The following FOXP1 variants were observed in gnomAD, a reference collection of about 807,000 sequenced individuals.
The protein encoded by FOXP1 is forkhead box P1.
Under a neutral mutation model 98.2 loss-of-function variants are expected in FOXP1, and 15 were observed. The ratio of observed to expected loss-of-function variants is 0.15; its 90% CI spans 0.10 to 0.24. The LOEUF is 0.24. FOXP1 is among the 10% of genes least tolerant of loss of function. The pLI is 1.00. For missense variants in FOXP1, 633 were observed against 848.5 expected, an observed-to-expected ratio of 0.75 and a Z score of 3.15; for synonymous variants, 371 against 314.5, an observed-to-expected ratio of 1.18 and a Z score of -1.90.
chr3:71,395,095 C>T (rs1306933295), intron 3 of FOXP1, among the ~76,000 whole-genome samples: 5 of 109,498 alleles, frequency 4.6e-5, no homozygotes, highest in Admixed American at 9.2e-5. Flanking sequence ...AGTGAAACCC[C>T]GTCACAAAAA....
intron 5 of FOXP1, among the ~76,000 whole-genome samples, chr3:71,256,452 T>A (rs1207763388): frequency 6.6e-6 from 1 of 152,186 alleles, no homozygotes; most frequent in Admixed American, 6.5e-5. Flanking sequence ...GGTGCCATCT[T>A]GGCTTACTGC....
intron 10 of FOXP1, among the ~76,000 whole-genome samples, chr3:71,041,817 G>A (rs1238166993): frequency 3.9e-5 from 6 of 152,014 alleles, no homozygotes; most frequent in Non-Finnish European, 7.4e-5. Context: ...ACCATCCCAA[G>A]TGTTATTTCT....
chr3:70,972,136 T>G (rs2036396441), intron 18 of FOXP1: 1 of 1,534,092 alleles, frequency 6.5e-7, no homozygotes, highest in Non-Finnish European at 8.7e-7. Context: ...CATCCTCTAC[T>G]CTGATAAAGC....
At chr3:71,232,877 C>CAAAACAAAAAAAA (rs528237968) in intron 5 of FOXP1, among the ~76,000 whole-genome samples, 6 of 31,422 alleles carry the variant, frequency 1.9e-4, no homozygotes, top group Non-Finnish European at 2.9e-4. Flanking sequence ...AACTCTGTCT[C>CAAAACAAAAAAAA]AAAAAAAAAA....
At chr3:71,195,173 G>C in intron 6 of FOXP1, among the ~76,000 whole-genome samples, 1 of 152,114 alleles carries the variant, frequency 6.6e-6, no homozygotes, top group East Asian at 1.9e-4. Flanking sequence ...CATTTCTCTA[G>C]GTTGTCAACT....
At chr3:71,132,598 C>T (rs536322107) in intron 6 of FOXP1, among the ~76,000 whole-genome samples, 25 of 152,264 alleles carry the variant, frequency 1.6e-4, no homozygotes, top group African/African-American at 4.3e-4. Context: ...ATTTAGCCTG[C>T]GGTTATTCCT....
At chr3:71,370,222 C>G (rs572783713) in intron 3 of FOXP1, among the ~76,000 whole-genome samples, 1 of 152,090 alleles carries the variant, frequency 6.6e-6, no homozygotes, top group African/African-American at 2.4e-5. Flanking sequence ...AAAACCAAAA[C>G]AGGGCCAAAT....
rs531486217 is a variant in FOXP1 at position 71,502,268 on chromosome 3, G to A, written c.-297-8713C>T. Among the ~76,000 whole-genome samples, 158 of 152,300 alleles carry A rather than the reference G, an allele frequency of 1.0e-3. 1 individual carries two copies. The highest frequency in any genetic ancestry group is 3.5e-3 in the African/African-American group (146 of 41,564). On this transcript the variant is annotated intron_variant, in intron 2 of 20. Transcript: ENST00000649528. ...CTGCTAGCAGGGCAAGTGGCGGCCC[G>A]GTCCCCAAGGCCCAGGGGAGCCTCT...
intron 3 of FOXP1, among the ~76,000 whole-genome samples, chr3:71,365,119 T>C (rs1036355856): frequency 1.3e-5 from 2 of 152,240 alleles, no homozygotes; most frequent in African/African-American, 4.8e-5. Context: ...TGCCAACTTC[T>C]GCTTCAGAAC....
At chr3:71,026,288 C>A (rs2046103530) in intron 11 of FOXP1, among the ~76,000 whole-genome samples, 1 of 152,086 alleles carries the variant, frequency 6.6e-6, no homozygotes, top group Non-Finnish European at 1.5e-5. Context: ...ATCACATAAG[C>A]AGACAGGGCA....
intron 2 of FOXP1, among the ~76,000 whole-genome samples, chr3:71,559,668 A>T (rs150353496): frequency 6.6e-6 from 1 of 152,292 alleles, no homozygotes; most frequent in African/African-American, 2.4e-5. Context: ...CAAAACTGTG[A>T]AATCTCATCT....
chr3:71,369,071 A>T (rs1289378393), intron 3 of FOXP1, among the ~76,000 whole-genome samples: 1 of 151,574 alleles, frequency 6.6e-6, no homozygotes, highest in Non-Finnish European at 1.5e-5. Context: ...TCTTGACCCC[A>T]TGGGACCATG....
In FOXP1 at chr3:71,025,711, A is replaced by G. The variant is rs139584773; in HGVS notation, c.870-10058T>C. The stretch of plus-strand genomic sequence containing the variant: ...TTCTGTTTCTGTTTAACAAACACCA[A>G]TTTTACATCAGCACAGATCTGTTGG... On this transcript the variant is annotated intron_variant, in intron 11 of 20. Transcript: ENST00000649528. Among the ~76,000 whole-genome samples the G allele has an allele frequency of 1.9e-4, 29 of 152,284 alleles. No homozygotes were observed. The East Asian group carries it at 5.2e-3, about 27-fold the overall frequency.
At chr3:71,072,925 AC>A (rs1217066597) in intron 7 of FOXP1, among the ~76,000 whole-genome samples, 5 of 152,164 alleles carry the variant, frequency 3.3e-5, no homozygotes, top group African/African-American at 1.2e-4. Flanking sequence ...GAGACATCAG[AC>A]CCCTTTTGTA....
chr3:71,036,564 C>T (rs1183726125), intron 11 of FOXP1, among the ~76,000 whole-genome samples: 1 of 152,066 alleles, frequency 6.6e-6, no homozygotes, highest in Non-Finnish European at 1.5e-5. Context: ...CTGATTTGGA[C>T]TATAGAGGAC....
intron 5 of FOXP1, among the ~76,000 whole-genome samples, chr3:71,204,470 G>C (rs973439908): frequency 1.3e-5 from 2 of 152,176 alleles, no homozygotes; most frequent in African/African-American, 4.8e-5. Context: ...ACAACAGAGA[G>C]GGAATCAAGC....
chr3:71,392,716 G>A (rs538465621), intron 3 of FOXP1, among the ~76,000 whole-genome samples: 2 of 152,226 alleles, frequency 1.3e-5, no homozygotes, highest in African/African-American at 2.4e-5. Flanking sequence ...ACATATAATT[G>A]CAATGCACTT....
At chr3:70,969,958 T>C (rs2035852971) in intron 19 of FOXP1, 1 of 152,284 alleles carries the variant, frequency 6.6e-6, no homozygotes, top group Admixed American at 6.5e-5. Context: ...CCAGGTACTT[T>C]AATGAAATGA....
intron 3 of FOXP1, among the ~76,000 whole-genome samples, chr3:71,373,324 CA>C (rs11320170): frequency 0.71 from 106,743 of 150,740 alleles, 38,739 homozygotes; most frequent in Non-Finnish European, 0.78. Flanking sequence ...TTCGCCTTTA[CA>C]AAAAAAAAAC....
Sources: gnomAD v4.1 joint callset for allele counts (sites outside exome capture counted in the v4.1 genomes callset) on GRCh38, gnomAD v4.1.1 for gene constraint, MANE v1.5 for transcripts, NCBI Gene and HGNC (gene_info 2026-07-23, HGNC 2026-07-21) for gene names.